ASL: variants seen among roughly 807,000 people sequenced by gnomAD.
ASL encodes the protein argininosuccinase.
In ASL, 51 loss-of-function variants were observed where a neutral mutation model predicts 69.1. The ratio of observed to expected loss-of-function variants is 0.74; its 90% CI spans 0.59 to 0.93. The LOEUF (loss-of-function observed/expected upper bound fraction) is 0.93, where lower values mean the gene tolerates loss of function less well. Ranked by LOEUF, ASL falls within the 40% of genes least tolerant of loss-of-function variation. ASL has a pLI of 0.00. For synonymous variants in ASL, 241 were observed against 247.6 expected (o/e 0.97, Z 0.25); for missense variants, 540 against 623.9 (o/e 0.87, Z 1.43).
Position 66,088,835 on chromosome 7 carries a change from C to T in ASL, c.747C>T (p.Cys249=), listed in dbSNP as rs765660307. The T allele has an allele frequency of 6.2e-7, 1 of 1,613,994 alleles. No homozygotes were observed. Among genetic ancestry groups the T allele is most frequent in the Non-Finnish European group, 8.5e-7 (1 of 1,179,986 alleles). ...AGTTCCTGTTCTGGGCTTCGCTGTG[C>T]ATGACCCATCTCAGCAGGATGGCCG... The part of the protein sequence containing the change: ...VAEFLFWASL[C]MTHLSRMAED... Residue 249 remains cysteine (C), a synonymous_variant, in exon 11 of 17, where the codon TGC becomes TGT. Coordinates refer to ENST00000304874, the MANE Select transcript of ASL (RefSeq NM_000048.4).
chr7:66,093,045 G>A lies in ASL; in HGVS notation c.*133G>A. The stretch of plus-strand genomic sequence containing the variant: ...GGGACAGTCAGGGACTGGAGAGGCA[G>A]GGCAGGGTGGCCTGTAATCCCAGCA... On this transcript the variant is annotated 3_prime_UTR_variant, in exon 17 of 17. Coordinates refer to ENST00000304874, the MANE Select transcript of ASL (RefSeq NM_000048.4). 1 of 1,441,108 alleles carries A rather than the reference G, an allele frequency of 6.9e-7. No homozygotes were observed. The highest frequency in any genetic ancestry group is 1.2e-5 in the South Asian group (1 of 80,318). 89.3% of individuals were successfully genotyped at this position (1,441,108 alleles called of 1,614,324 possible).
intron 2 of ASL, among the ~76,000 whole-genome samples, chr7:66,080,540 T>C (rs959294103): frequency 2.0e-5 from 3 of 151,188 alleles, no homozygotes; most frequent in African/African-American, 7.3e-5. Flanking sequence ...CTGACCAACA[T>C]GGTGAAACCC....
intron 10 of ASL, 65 bp downstream of exon 10, chr7:66,087,856 CCA>C: frequency 6.3e-7 from 1 of 1,588,600 alleles, no homozygotes; most frequent in South Asian, 1.1e-5. Context: ...CAGCTTCTCT[CCA>C]GTTTCCTCCC....
intron 13 of ASL, 83 bp downstream of exon 13, chr7:66,089,418 G>A: frequency 6.5e-7 from 1 of 1,527,312 alleles, no homozygotes; most frequent in Non-Finnish European, 8.9e-7. Flanking sequence ...CCCCGGGATT[G>A]CCATACATCC....
Position 66,081,796 on chromosome 7 carries a change from T to C in ASL, c.13-7T>C, listed in dbSNP as rs757988466. 4.3e-6 allele frequency: 7 copies of C among 1,612,660 alleles called. No homozygotes were observed. In the Admixed American group the frequency reaches 1.2e-4, roughly 27 times the overall value. On this transcript the variant is annotated splice_polypyrimidine_tract_variant and splice_region_variant and intron_variant, in intron 2 of 16. Coordinates refer to ENST00000304874, the MANE Select transcript of ASL (RefSeq NM_000048.4). Reference sequence around the variant, plus strand: ...GAGAGACTAATTGTTCTTGCTCTCCTGGCCAGAGTGGGAAGCTTTGGGGTG... The same window carrying C: ...GAGAGACTAATTGTTCTTGCTCTCCCGGCCAGAGTGGGAAGCTTTGGGGTG...
chr7:66,077,973 A>G (rs1461410578), intron 2 of ASL, among the ~76,000 whole-genome samples: 1 of 152,032 alleles, frequency 6.6e-6, no homozygotes, highest in South Asian at 2.1e-4. Flanking sequence ...GGGTCCTCTT[A>G]TGCCTGCCAG....
Position 66,082,389 on chromosome 7 carries a change from G to C in ASL, c.229G>C (p.Gly77Arg), listed in dbSNP as rs137915973. The C allele has an allele frequency of 1.2e-6, 2 of 1,612,536 alleles. No homozygotes were observed. Among genetic ancestry groups the C allele is most frequent in the Non-Finnish European group, 1.7e-6 (2 of 1,179,648 alleles). Residue 77 changes from glycine to arginine, a missense_variant, in exon 4 of 17, where the codon GGC becomes CGC. Coordinates refer to ENST00000304874, the MANE Select transcript of ASL (RefSeq NM_000048.4). ...ACAGGTGGCTGAGGAGTGGGCCCAG[G>C]GCACCTTCAAACTGAACTCCAATGA... ...LDKVAEEWAQ[G>R]TFKLNSNDED...
chr7:66,080,595 C>T (rs780170938), intron 2 of ASL, among the ~76,000 whole-genome samples: 5 of 151,188 alleles, frequency 3.3e-5, no homozygotes, highest in East Asian at 3.9e-4. Context: ...TGGTGGCACA[C>T]GCCTGAAATT....
chr7:66,089,810 A>G (rs1408519249), intron 14 of ASL, 115 bp downstream of exon 14: 1 of 1,136,634 alleles, frequency 8.8e-7, no homozygotes, highest in African/African-American at 1.5e-5. Flanking sequence ...GGGGCAGGGA[A>G]GGAGAGGTGT....
intron 6 of ASL, among the ~76,000 whole-genome samples, chr7:66,083,684 C>CA (rs929562233): frequency 9.6e-5 from 13 of 134,866 alleles, no homozygotes; most frequent in East Asian, 8.7e-4. Flanking sequence ...ACTCCTGTCT[C>CA]AAAAAAAAAG....
At chr7:66,090,673 C>T (rs554537601) in intron 14 of ASL, among the ~76,000 whole-genome samples, 1 of 152,228 alleles carries the variant, frequency 6.6e-6, no homozygotes, top group South Asian at 2.1e-4. Flanking sequence ...CAATGATAAT[C>T]AACTCACGGA....
At chr7:66,083,051 C>T (rs779164450) in intron 5 of ASL, 26 bp from the exon 6 acceptor site, 142 of 1,613,452 alleles carry the variant, frequency 8.8e-5, no homozygotes, top group Middle Eastern at 6.6e-4. Context: ...ATCGGCCTCC[C>T]TGAGCACCAT....
chr7:66,083,376 C>T, intron 6 of ASL: 1 of 558,956 alleles, frequency 1.8e-6, no homozygotes. Flanking sequence ...TCTAGCTCAG[C>T]AGGCAGAGAA....
intron 6 of ASL, among the ~76,000 whole-genome samples, chr7:66,085,858 T>C (rs552127264): frequency 5.9e-4 from 90 of 152,134 alleles, no homozygotes; most frequent in African/African-American, 2.1e-3. Flanking sequence ...TCTGCCCGCC[T>C]CGGCCTCCCA....
chr7:66,083,490 G>C (rs1584023721), intron 6 of ASL: 1 of 330,878 alleles, frequency 3.0e-6, no homozygotes, highest in East Asian at 7.5e-5. Flanking sequence ...TTCGAGACCA[G>C]CCTGGCCAAC....
intron 15 of ASL, 21 bp from the exon 16 acceptor site, chr7:66,092,536 A>G (rs777632321): frequency 1.2e-6 from 2 of 1,602,088 alleles, no homozygotes; most frequent in South Asian, 1.1e-5. Context: ...CCTCAGCGCC[A>G]TCTTCCTCCC....
intron 15 of ASL, among the ~76,000 whole-genome samples, 199 bp downstream of exon 15, chr7:66,092,285 CTT>C (rs1786869649): frequency 6.6e-6 from 1 of 152,002 alleles, no homozygotes; most frequent in African/African-American, 2.4e-5. Context: ...AACCCCGTCT[CTT>C]TTGATGTAAA....
At chr7:66,090,810 T>C (rs1017029307) in intron 14 of ASL, among the ~76,000 whole-genome samples, 1 of 152,026 alleles carries the variant, frequency 6.6e-6, no homozygotes, top group Non-Finnish European at 1.5e-5. Context: ...GAAATCAGTG[T>C]TTCTTGGCTG....
chr7:66,077,450 C>T (rs911022482), intron 2 of ASL, among the ~76,000 whole-genome samples: 3 of 151,866 alleles, frequency 2.0e-5, no homozygotes, highest in Non-Finnish European at 4.4e-5. Context: ...AAAAACCTGG[C>T]AGGCATGGTG....
Sources: allele counts gnomAD v4.1 joint callset (sites outside exome capture counted in the v4.1 genomes callset), GRCh38; gene constraint gnomAD v4.1.1; transcripts MANE v1.5; gene names NCBI Gene and HGNC (gene_info 2026-07-23, HGNC 2026-07-21).